Variants in AP3B1 observed in about 807,000 individuals in gnomAD.
The protein encoded by AP3B1 is adaptor related protein complex 3 subunit beta 1.
A neutral mutation model predicts 132.5 loss-of-function variants in AP3B1; 61 were observed. The observed-to-expected ratio is 0.46, with a 90% CI of 0.37 to 0.57. AP3B1 has a LOEUF of 0.57. Among genes scored for constraint, AP3B1 ranks in the 20% least tolerant of loss-of-function variants. The pLI is 0.00. For synonymous variants in AP3B1, 388 were observed against 438.3 expected (o/e 0.89, Z 1.43); for missense variants, 1,120 against 1,289.4 (o/e 0.87, Z 2.01).
intron 22 of AP3B1, among the ~76,000 whole-genome samples, chr5:78,074,851 T>A (rs1236240509): frequency 6.6e-6 from 1 of 152,072 alleles, no homozygotes; most frequent in Non-Finnish European, 1.5e-5. Context: ...GAGAACTGCT[T>A]GAACCTGGGA....
At chr5:78,112,825 T>C (rs537741690) in intron 19 of AP3B1, among the ~76,000 whole-genome samples, 1 of 152,206 alleles carries the variant, frequency 6.6e-6, no homozygotes, top group Non-Finnish European at 1.5e-5. Flanking sequence ...GTTAATCTAA[T>C]GAAAAGAATT....
chr5:78,215,941 T>G, intron 7 of AP3B1, 114 bp downstream of exon 7: 2 of 937,180 alleles, frequency 2.1e-6, no homozygotes, highest in Non-Finnish European at 3.4e-6. Context: ...CAAATGAGTC[T>G]TCCTTAAATA....
At chr5:78,280,599 T>C (rs1380361574) in intron 1 of AP3B1, among the ~76,000 whole-genome samples, 1 of 152,186 alleles carries the variant, frequency 6.6e-6, no homozygotes, top group African/African-American at 2.4e-5. Flanking sequence ...TCATAAACTA[T>C]AGTAGAGGAA....
chr5:78,231,010 C>A (rs1448297054), intron 3 of AP3B1, among the ~76,000 whole-genome samples: 2 of 151,756 alleles, frequency 1.3e-5, no homozygotes, highest in African/African-American at 4.8e-5. Context: ...ATCCCAGCTA[C>A]TGGGAAGGCT....
chr5:78,067,449 C>G (rs435032), intron 22 of AP3B1, among the ~76,000 whole-genome samples: 21,160 of 152,198 alleles, frequency 0.14, 1,913 homozygotes, highest in Admixed American at 0.25. Context: ...ACTCTCCACC[C>G]CAAAACAACA....
intron 17 of AP3B1, among the ~76,000 whole-genome samples, chr5:78,124,115 A>C (rs1320809493): frequency 6.6e-6 from 1 of 152,050 alleles, no homozygotes; most frequent in Non-Finnish European, 1.5e-5. Context: ...ACCAAACACC[A>C]CATGTTCTCA....
intron 7 of AP3B1, among the ~76,000 whole-genome samples, chr5:78,193,385 G>A (rs990252714): frequency 2.6e-5 from 4 of 151,912 alleles, no homozygotes; most frequent in Non-Finnish European, 4.4e-5. Flanking sequence ...TCCAGAAACA[G>A]AATAGTTAAA....
chr5:78,143,606 T>C (rs766924545), intron 14 of AP3B1, among the ~76,000 whole-genome samples: 123 of 152,270 alleles, frequency 8.1e-4, no homozygotes, highest in Middle Eastern at 3.4e-3. Flanking sequence ...GCTTTCCCTT[T>C]CTCTTCCCAT....
intron 2 of AP3B1, among the ~76,000 whole-genome samples, chr5:78,263,485 A>C (rs1465137930): frequency 1.3e-5 from 2 of 152,142 alleles, no homozygotes; most frequent in Non-Finnish European, 2.9e-5. Context: ...GATGTCTTTT[A>C]TTTCTTTTTC....
chr5:78,228,021 G>A (rs1189372221), intron 4 of AP3B1, 123 bp downstream of exon 4: 2 of 603,262 alleles, frequency 3.3e-6, no homozygotes, highest in Non-Finnish European at 5.6e-6. Context: ...ACTATAGGAG[G>A]CTTTTAACTC....
At chr5:78,248,060 T>C (rs1343717892) in intron 2 of AP3B1, among the ~76,000 whole-genome samples, 2 of 152,226 alleles carry the variant, frequency 1.3e-5, no homozygotes, top group Non-Finnish European at 2.9e-5. Context: ...TGAATCTCCT[T>C]TGTGCTCAAA....
intron 20 of AP3B1, among the ~76,000 whole-genome samples, chr5:78,109,261 C>T (rs560747032): frequency 6.6e-6 from 1 of 152,142 alleles, no homozygotes; most frequent in Non-Finnish European, 1.5e-5. Flanking sequence ...TAAGGCAAGA[C>T]AAATACTAGC....
chr5:78,216,812 T>C (rs971430491), intron 6 of AP3B1, among the ~76,000 whole-genome samples: 27 of 152,146 alleles, frequency 1.8e-4, no homozygotes, highest in African/African-American at 6.5e-4. Context: ...GCTGAAATTT[T>C]AGAACATCAC....
chr5:78,258,049 T>C (rs536277827), intron 2 of AP3B1, among the ~76,000 whole-genome samples: 1 of 152,316 alleles, frequency 6.6e-6, no homozygotes, highest in South Asian at 2.1e-4. Context: ...CCTCCAACCA[T>C]GAAACTACTA....
In AP3B1 at chr5:78,156,286, T is replaced by G. The variant is rs370497154; in HGVS notation, c.1445A>C (p.His482Pro). The change falls in exon 14 of 27, where the codon CAT becomes CCT. Residue 482 changes from histidine to proline, a missense_variant. By Grantham distance (77) the His-to-Pro change is moderately conservative (BLOSUM62 -2). Coordinates refer to ENST00000255194, the MANE Select transcript of AP3B1 (RefSeq NM_003664.5). ...GATACTGTCCAGGAGTTTGGCCATA[T>G]GTTTAATAATTTCACCATGTTGTGC... ...QPAQHGEIIKHMAKLLDSITV... is the reference protein window; with the variant it reads ...QPAQHGEIIKPMAKLLDSITV... 6.2e-7 allele frequency: 1 copy of G among 1,613,562 alleles called. No homozygotes were observed. The highest frequency in any genetic ancestry group is 2.2e-5 in the East Asian group (1 of 44,802).
At chr5:78,155,519 C>T (rs1202292326) in intron 14 of AP3B1, among the ~76,000 whole-genome samples, 2 of 152,216 alleles carry the variant, frequency 1.3e-5, no homozygotes, top group African/African-American at 2.4e-5. Flanking sequence ...CCATCTTGCT[C>T]CACTCTTCAA....
At chr5:78,212,028 C>A (rs1461308545) in intron 7 of AP3B1, among the ~76,000 whole-genome samples, 5 of 152,196 alleles carry the variant, frequency 3.3e-5, no homozygotes, top group Admixed American at 2.0e-4. Flanking sequence ...GCCTGTAATC[C>A]CAGCACTTTG....
chr5:78,087,070 G>A (rs1209107155), intron 22 of AP3B1, among the ~76,000 whole-genome samples: 2 of 152,162 alleles, frequency 1.3e-5, no homozygotes, highest in East Asian at 3.8e-4. Flanking sequence ...TACTTCTAGT[G>A]TAGTCATGGT....
intron 23 of AP3B1, among the ~76,000 whole-genome samples, chr5:78,035,715 T>C (rs1041717676): frequency 4.6e-5 from 7 of 152,090 alleles, no homozygotes; most frequent in Non-Finnish European, 8.8e-5. Context: ...GGTATGTATG[T>C]TAGTTTGCTG....
Sources: gnomAD v4.1 joint callset for allele counts (sites outside exome capture counted in the v4.1 genomes callset) on GRCh38, gnomAD v4.1.1 for gene constraint, MANE v1.5 for transcripts, NCBI Gene and HGNC (gene_info 2026-07-23, HGNC 2026-07-21) for gene names.